KLHDC1: variants seen among roughly 807,000 people sequenced by gnomAD.
KLHDC1 encodes the protein kelch domain containing 1.
KLHDC1 carries 53 observed loss-of-function variants against 68.3 expected under a neutral mutation model. The ratio of observed to expected loss-of-function variants is 0.78; its 90% CI spans 0.62 to 0.98. The LOEUF (loss-of-function observed/expected upper bound fraction) is 0.98, where lower values mean the gene tolerates loss of function less well. Ranked by LOEUF, KLHDC1 falls within the 50% of genes least tolerant of loss-of-function variation. The pLI is 0.00. For synonymous variants in KLHDC1, 148 were observed against 159.0 expected, an observed-to-expected ratio of 0.93 and a Z score of 0.52; for missense variants, 470 against 492.3, an observed-to-expected ratio of 0.95 and a Z score of 0.43.
Position 49,728,982 on chromosome 14 carries a change from G to A in KLHDC1, c.624G>A (p.Lys208=), listed in dbSNP as rs748959379. Residue 208 remains lysine (K), a synonymous_variant, in exon 7 of 13, where the codon AAG becomes AAA. Coordinates refer to ENST00000359332, the MANE Select transcript of KLHDC1 (RefSeq NM_172193.3). ...ATACATGTGCAGTTCTTGGAAATAA[G>A]GGTTATATCTTTGGCGGACGTGTTC... ...AAHTCAVLGN[K]GYIFGGRVLQ... The A allele has an allele frequency of 2.5e-6, 4 of 1,613,532 alleles. No individual in the cohort carries two copies. Among genetic ancestry groups the A allele is most frequent in the Non-Finnish European group, 3.4e-6 (4 of 1,179,494 alleles).
chr14:49,696,749 G>C (rs905694079), intron 1 of KLHDC1, among the ~76,000 whole-genome samples: 9 of 152,088 alleles, frequency 5.9e-5, no homozygotes, highest in Admixed American at 6.6e-5. Flanking sequence ...TTTCCTTTAA[G>C]AACTTTCCGT....
At chr14:49,712,079 G>A (rs1888220051) in intron 4 of KLHDC1, among the ~76,000 whole-genome samples, 1 of 151,222 alleles carries the variant, frequency 6.6e-6, no homozygotes, top group South Asian at 2.1e-4. Context: ...CACCATGCCT[G>A]GTTAATTTTT....
At chr14:49,722,932 C>T (rs1269510760) in intron 4 of KLHDC1, among the ~76,000 whole-genome samples, 1 of 151,416 alleles carries the variant, frequency 6.6e-6, no homozygotes, top group Non-Finnish European at 1.5e-5. Flanking sequence ...ACTAAGAATA[C>T]AAAAATTAGC....
chr14:49,693,434 C>T (rs1033838034), intron 1 of KLHDC1, 144 bp downstream of exon 1: 11 of 411,074 alleles, frequency 2.7e-5, no homozygotes, highest in Non-Finnish European at 2.5e-5. Context: ...CCTCCGCTGG[C>T]CGCCGCCCCC....
intron 4 of KLHDC1, among the ~76,000 whole-genome samples, chr14:49,713,704 G>T (rs1888268709): frequency 6.7e-6 from 1 of 148,572 alleles, no homozygotes; most frequent in South Asian, 2.2e-4. Flanking sequence ...TGGCCAACAT[G>T]ACAAAACCCC....
chr14:49,741,310 A>ATT (rs1399163727), intron 11 of KLHDC1, among the ~76,000 whole-genome samples: 1 of 145,846 alleles, frequency 6.9e-6, no homozygotes. Flanking sequence ...CAAGTATATT[A>ATT]TTATTTTTTT....
intron 4 of KLHDC1, among the ~76,000 whole-genome samples, chr14:49,722,290 G>C (rs1006165857): frequency 6.6e-6 from 1 of 152,048 alleles, no homozygotes; most frequent in African/African-American, 2.4e-5. Flanking sequence ...GACAGGCCCC[G>C]GTGTGTGATA....
At chr14:49,750,183 G>T (rs542057180) in intron 12 of KLHDC1, among the ~76,000 whole-genome samples, 1 of 152,134 alleles carries the variant, frequency 6.6e-6, no homozygotes, top group East Asian at 1.9e-4. Flanking sequence ...AGATTCCTTC[G>T]CATGGTCCTC....
chr14:49,693,335 C>G, intron 1 of KLHDC1, 45 bp downstream of exon 1: 2 of 1,322,250 alleles, frequency 1.5e-6, no homozygotes, highest in Non-Finnish European at 2.0e-6. Flanking sequence ...CCGGGAGACC[C>G]TCGGCCTGAG....
chr14:49,727,923 C>T (rs186115783), intron 6 of KLHDC1, among the ~76,000 whole-genome samples: 1 of 152,216 alleles, frequency 6.6e-6, no homozygotes, highest in East Asian at 1.9e-4. Flanking sequence ...AATTAAAATA[C>T]ATACATAAAG....
intron 8 of KLHDC1, among the ~76,000 whole-genome samples, chr14:49,732,225 T>G (rs1483954571): frequency 6.6e-6 from 1 of 151,720 alleles, no homozygotes; most frequent in Non-Finnish European, 1.5e-5. Flanking sequence ...CAGGCTGGAG[T>G]GCAGTGGTGC....
At chr14:49,698,507 TTTTTG>T (rs967408060) in intron 1 of KLHDC1, among the ~76,000 whole-genome samples, 3 of 142,634 alleles carry the variant, frequency 2.1e-5, no homozygotes, top group African/African-American at 7.9e-5. Context: ...CGGCCTTTGT[TTTTTG>T]TTTTGTTTTG....
At chr14:49,700,610 C>T (rs140559704) in intron 1 of KLHDC1, among the ~76,000 whole-genome samples, 78 of 152,176 alleles carry the variant, frequency 5.1e-4, no homozygotes, top group African/African-American at 1.8e-3. Context: ...TATACATATG[C>T]TTAACTACAT....
chr14:49,710,596 A>G (rs1566600587), intron 4 of KLHDC1, among the ~76,000 whole-genome samples: 1 of 152,180 alleles, frequency 6.6e-6, no homozygotes, highest in Non-Finnish European at 1.5e-5. Context: ...GAGTAAATCC[A>G]GTGCTTATAT....
At chr14:49,727,969 ATT>A (rs2139755861) in intron 6 of KLHDC1, among the ~76,000 whole-genome samples, 1 of 152,230 alleles carries the variant, frequency 6.6e-6, no homozygotes, top group East Asian at 1.9e-4. Flanking sequence ...TATGCAGAAG[ATT>A]TTTCCCTCAA....
chr14:49,735,172 G>A (rs1470492438), intron 10 of KLHDC1, among the ~76,000 whole-genome samples: 1 of 151,240 alleles, frequency 6.6e-6, no homozygotes. Context: ...CGTTATTTAT[G>A]GTATATTATA....
intron 8 of KLHDC1, among the ~76,000 whole-genome samples, chr14:49,729,885 C>T (rs1190108836): frequency 6.6e-6 from 1 of 152,108 alleles, no homozygotes; most frequent in Non-Finnish European, 1.5e-5. Flanking sequence ...ATTTGTAGCT[C>T]ATAATATGTA....
At chr14:49,693,978 G>A (rs1341009793) in intron 1 of KLHDC1, among the ~76,000 whole-genome samples, 1 of 151,420 alleles carries the variant, frequency 6.6e-6, no homozygotes, top group Non-Finnish European at 1.5e-5. Context: ...TCTTGAACTC[G>A]CGACCTCAGG....
intron 4 of KLHDC1, among the ~76,000 whole-genome samples, chr14:49,710,919 T>C (rs565014846): frequency 3.3e-4 from 50 of 152,354 alleles, no homozygotes; most frequent in Middle Eastern, 3.4e-3. Flanking sequence ...TAACTGTCTC[T>C]TTGCTATTTG....
Sources: gnomAD v4.1 joint callset for allele counts (sites outside exome capture counted in the v4.1 genomes callset) on GRCh38, gnomAD v4.1.1 for gene constraint, MANE v1.5 for transcripts, NCBI Gene and HGNC (gene_info 2026-07-23, HGNC 2026-07-21) for gene names.